MITF: variants seen among roughly 807,000 people sequenced by gnomAD.
MITF encodes the protein microphthalmia-associated transcription factor.
In MITF, 17 loss-of-function variants were observed where a neutral mutation model predicts 60.5. The ratio of observed to expected loss-of-function variants is 0.28; its 90% CI spans 0.19 to 0.42. MITF has a LOEUF of 0.42. Among genes scored for constraint, MITF ranks in the 10% least tolerant of loss-of-function variants. The pLI is 1.00. For missense variants in MITF, 622 were observed against 683.5 expected, an observed-to-expected ratio of 0.91 and a Z score of 1.00; for synonymous variants, 260 against 248.5, an observed-to-expected ratio of 1.05 and a Z score of -0.43.
At chr3:69,959,055 G>C (rs1166620357) in intron 8 of MITF, among the ~76,000 whole-genome samples, 1 of 152,010 alleles carries the variant, frequency 6.6e-6, no homozygotes, top group African/African-American at 2.4e-5. Flanking sequence ...CCTACACGTT[G>C]GGTACAGTGT....
At chr3:69,919,498 G>T (rs1426831914) in intron 2 of MITF, among the ~76,000 whole-genome samples, 1 of 151,526 alleles carries the variant, frequency 6.6e-6, no homozygotes. Flanking sequence ...ATTTTTTTTT[G>T]TAAACCCCCA....
chr3:69,957,474 A>G (rs1031528392), intron 8 of MITF, among the ~76,000 whole-genome samples: 3 of 152,204 alleles, frequency 2.0e-5, no homozygotes, highest in Non-Finnish European at 4.4e-5. Flanking sequence ...TGATGAATGT[A>G]CAAGCACAAT....
chr3:69,932,742 C>T (rs1284563017), intron 2 of MITF, among the ~76,000 whole-genome samples: 5 of 152,092 alleles, frequency 3.3e-5, no homozygotes, highest in Admixed American at 2.0e-4. Context: ...AAAAGAACCT[C>T]GACACTTAAT....
intron 1 of MITF, among the ~76,000 whole-genome samples, chr3:69,805,848 A>G (rs1279886757): frequency 6.6e-6 from 1 of 151,918 alleles, no homozygotes; most frequent in African/African-American, 2.4e-5. Context: ...TTTTGTGGAG[A>G]CAAGATCTTT....
At chr3:69,741,886 C>G (rs1184134909) in intron 1 of MITF, among the ~76,000 whole-genome samples, 1 of 152,136 alleles carries the variant, frequency 6.6e-6, no homozygotes, top group Non-Finnish European at 1.5e-5. Flanking sequence ...TGCTTTTTGT[C>G]TTATGTTTTT....
At chr3:69,845,863 G>A (rs1369254421) in intron 1 of MITF, among the ~76,000 whole-genome samples, 1 of 152,156 alleles carries the variant, frequency 6.6e-6, no homozygotes. Flanking sequence ...AGAGCCGCGA[G>A]CTTCCTCGGC....
intron 1 of MITF, among the ~76,000 whole-genome samples, chr3:69,782,235 C>G (rs1384175575): frequency 6.6e-6 from 1 of 152,188 alleles, no homozygotes; most frequent in Non-Finnish European, 1.5e-5. Context: ...AGGCATGAGC[C>G]ATTTTGAATT....
intron 1 of MITF, among the ~76,000 whole-genome samples, chr3:69,877,423 T>C (rs2064380151): frequency 6.6e-6 from 1 of 152,112 alleles, no homozygotes; most frequent in Admixed American, 6.5e-5. Context: ...ATTCTTATGC[T>C]TTTTGTTGTC....
intron 1 of MITF, among the ~76,000 whole-genome samples, chr3:69,761,344 A>G (rs1171629425): frequency 6.6e-6 from 1 of 152,166 alleles, no homozygotes; most frequent in Non-Finnish European, 1.5e-5. Context: ...ATAGGATCCC[A>G]TTTTATAAAT....
chr3:69,872,572 T>A (rs2064263198), intron 1 of MITF, among the ~76,000 whole-genome samples: 1 of 152,202 alleles, frequency 6.6e-6, no homozygotes. Flanking sequence ...TGTTTTAATT[T>A]TTTCTTCCTG....
chr3:69,840,142 A>T (rs1008605442), intron 1 of MITF, among the ~76,000 whole-genome samples: 11 of 152,200 alleles, frequency 7.2e-5, no homozygotes, highest in African/African-American at 2.7e-4. Context: ...AGTCCAGACC[A>T]CACTCCTAGA....
At chr3:69,877,293 T>C (rs1033418058) in intron 1 of MITF, among the ~76,000 whole-genome samples, 2 of 152,214 alleles carry the variant, frequency 1.3e-5, no homozygotes, top group Non-Finnish European at 2.9e-5. Context: ...TTTAAGTTAT[T>C]TACTTAGGAA....
intron 9 of MITF, among the ~76,000 whole-genome samples, chr3:69,962,309 T>C (rs1050141737): frequency 6.6e-6 from 1 of 152,248 alleles, no homozygotes; most frequent in African/African-American, 2.4e-5. Flanking sequence ...GAATCCTTTA[T>C]GTCAGTGGAA....
At chr3:69,926,914 C>G (rs1324318402) in intron 2 of MITF, among the ~76,000 whole-genome samples, 1 of 152,160 alleles carries the variant, frequency 6.6e-6, no homozygotes, top group African/African-American at 2.4e-5. Flanking sequence ...TTATTTGTTG[C>G]TTGCAAAATT....
Position 69,964,593 on chromosome 3 carries a change from C to T in MITF, c.1180-254C>T, listed in dbSNP as rs79145610. Among the ~76,000 whole-genome samples the T allele has an allele frequency of 0.017, 2,293 of 132,990 alleles. 545 individuals are homozygous for T. Among genetic ancestry groups the T allele is most frequent in the African/African-American group, 0.054 (1,830 of 33,920 alleles). 87.2% of individuals were successfully genotyped at this position (132,990 alleles called of 152,430 possible). A position where few individuals can be genotyped will look rare whatever the true frequency, so the allele number is the denominator to read the frequency against. ...CCCATACACCTCATTCCCCCAAGCA[C>T]GCACAGCCTTCCCCATTATCAACAT... On this transcript the variant is annotated intron_variant, in intron 9 of 9. Coordinates refer to ENST00000352241, the MANE Select transcript of MITF (RefSeq NM_001354604.2).
At chr3:69,885,187 G>A (rs974410903) in intron 2 of MITF, among the ~76,000 whole-genome samples, 5 of 152,062 alleles carry the variant, frequency 3.3e-5, no homozygotes, top group African/African-American at 7.2e-5. Context: ...GCAACATGGC[G>A]CTCTCTCTTT....
chr3:69,925,916 T>C (rs2065575359), intron 2 of MITF, among the ~76,000 whole-genome samples: 1 of 152,194 alleles, frequency 6.6e-6, no homozygotes, highest in Non-Finnish European at 1.5e-5. Context: ...TTGTATGAGA[T>C]TCTTATTCCT....
chr3:69,850,790 G>T (rs2063811704), intron 1 of MITF, among the ~76,000 whole-genome samples: 1 of 152,162 alleles, frequency 6.6e-6, no homozygotes, highest in African/African-American at 2.4e-5. Context: ...TGGAAATTTT[G>T]TGATAGTCTG....
At chr3:69,819,100 A>G (rs943055071) in intron 1 of MITF, among the ~76,000 whole-genome samples, 1 of 152,176 alleles carries the variant, frequency 6.6e-6, no homozygotes, top group African/African-American at 2.4e-5. Context: ...TGTTGAGTTG[A>G]AGGTAGAATG....
Sources: allele counts gnomAD v4.1 joint callset (sites outside exome capture counted in the v4.1 genomes callset), GRCh38; gene constraint gnomAD v4.1.1; transcripts MANE v1.5; gene names NCBI Gene and HGNC (gene_info 2026-07-23, HGNC 2026-07-21).